LSAMP: variants seen among roughly 807,000 people sequenced by gnomAD.
LSAMP encodes the protein limbic system associated membrane protein.
In LSAMP, 7 loss-of-function variants were observed where a neutral mutation model predicts 38.6. The ratio of observed to expected loss-of-function variants is 0.18; its 90% CI spans 0.10 to 0.34. The LOEUF is 0.34. Ranked by LOEUF, LSAMP falls within the 10% of genes least tolerant of loss-of-function variation. The pLI is 1.00. For synonymous variants in LSAMP, 154 were observed against 166.8 expected, an observed-to-expected ratio of 0.92 and a Z score of 0.59; for missense variants, 313 against 420.0, an observed-to-expected ratio of 0.75 and a Z score of 2.23.
chr3:115,877,869 G>A (rs1936223882), intron 3 of LSAMP, among the ~76,000 whole-genome samples: 1 of 152,044 alleles, frequency 6.6e-6, no homozygotes. Flanking sequence ...TTTAAAATGT[G>A]GTTCCCATCC....
intron 3 of LSAMP, among the ~76,000 whole-genome samples, chr3:115,905,860 A>G (rs927162187): frequency 2.0e-5 from 3 of 152,030 alleles, no homozygotes; most frequent in African/African-American, 7.2e-5. Flanking sequence ...ATACATAAGG[A>G]TATTTTTGTG....
At chr3:116,064,819 G>A (rs1707370943) in intron 2 of LSAMP, among the ~76,000 whole-genome samples, 2 of 152,050 alleles carry the variant, frequency 1.3e-5, no homozygotes, top group African/African-American at 2.4e-5. Flanking sequence ...AACTTGCATG[G>A]TATCACACAA....
At chr3:116,227,278 A>G (rs1463516) in intron 1 of LSAMP, among the ~76,000 whole-genome samples, 2,555 of 152,282 alleles carry the variant, frequency 0.017, 58 homozygotes, top group African/African-American at 0.052. Flanking sequence ...TCACTCTTTC[A>G]AATTGTCTTA....
chr3:116,303,593 A>G (rs1324424181), intron 1 of LSAMP, among the ~76,000 whole-genome samples: 1 of 152,164 alleles, frequency 6.6e-6, no homozygotes, highest in African/African-American at 2.4e-5. Context: ...ACACTGGTAA[A>G]AACTATGTCA....
chr3:116,235,321 G>T (rs950214322), intron 1 of LSAMP, among the ~76,000 whole-genome samples: 3 of 152,170 alleles, frequency 2.0e-5, no homozygotes, highest in African/African-American at 7.2e-5. Context: ...TCACTATGTT[G>T]CATAGACTGG....
At chr3:116,271,408 T>A (rs1259596785) in intron 1 of LSAMP, among the ~76,000 whole-genome samples, 1 of 152,042 alleles carries the variant, frequency 6.6e-6, no homozygotes, top group African/African-American at 2.4e-5. Flanking sequence ...ATTATATTTC[T>A]GTGGTGTAAG....
At chr3:115,937,667 T>C (rs1937751363) in intron 3 of LSAMP, among the ~76,000 whole-genome samples, 1 of 148,956 alleles carries the variant, frequency 6.7e-6, no homozygotes, top group Non-Finnish European at 1.5e-5. Context: ...AAAAAAGAAA[T>C]GTTTTGCATT....
chr3:116,063,240 T>C (rs868140340), intron 2 of LSAMP, among the ~76,000 whole-genome samples: 2 of 152,156 alleles, frequency 1.3e-5, no homozygotes, highest in Non-Finnish European at 2.9e-5. Context: ...CATTAAATAT[T>C]TTACAATAGA....
chr3:116,092,082 T>C (rs766472531), intron 1 of LSAMP, among the ~76,000 whole-genome samples: 5 of 151,970 alleles, frequency 3.3e-5, no homozygotes, highest in Non-Finnish European at 7.4e-5. Flanking sequence ...TGAGCCTAAA[T>C]ACCATGTGCA....
At chr3:116,428,023 T>C (rs1051170416) in intron 1 of LSAMP, among the ~76,000 whole-genome samples, 2 of 152,234 alleles carry the variant, frequency 1.3e-5, no homozygotes, top group Non-Finnish European at 2.9e-5. Context: ...TTTCATTCCA[T>C]ATGTCTTTTT....
intron 1 of LSAMP, among the ~76,000 whole-genome samples, chr3:116,139,641 C>T (rs146871800): frequency 6.6e-6 from 1 of 152,048 alleles, no homozygotes; most frequent in East Asian, 1.9e-4. Flanking sequence ...AGTCTTTCAT[C>T]GTCAACCTAG....
intron 3 of LSAMP, among the ~76,000 whole-genome samples, chr3:115,934,470 C>T (rs1207403466): frequency 6.6e-6 from 1 of 152,116 alleles, no homozygotes; most frequent in Admixed American, 6.6e-5. Context: ...AGCCACTGTG[C>T]TCAGTCCTGT....
intron 3 of LSAMP, among the ~76,000 whole-genome samples, chr3:115,911,494 G>A (rs577131211): frequency 5.3e-5 from 8 of 152,182 alleles, no homozygotes; most frequent in African/African-American, 1.9e-4. Context: ...TGGGACTACA[G>A]GTGCCTGCCA....
chr3:115,969,100 C>T (rs911080146), intron 3 of LSAMP, among the ~76,000 whole-genome samples: 3 of 152,148 alleles, frequency 2.0e-5, no homozygotes, highest in Admixed American at 1.3e-4. Flanking sequence ...CTTTCCTACC[C>T]GCTTCAGTGC....
chr3:116,413,846 G>A (rs1475088324), intron 1 of LSAMP, among the ~76,000 whole-genome samples: 2 of 149,652 alleles, frequency 1.3e-5, no homozygotes, highest in African/African-American at 4.9e-5. Context: ...TTCTGGTAAG[G>A]ACAAGAAAGG....
intron 1 of LSAMP, among the ~76,000 whole-genome samples, chr3:116,440,935 C>T (rs2049425107): frequency 6.6e-6 from 1 of 152,320 alleles, no homozygotes; most frequent in South Asian, 2.1e-4. Context: ...GTTGACACTT[C>T]ATTAGTGAAT....
In LSAMP at chr3:116,234,507, T is replaced by A. The variant is rs555107067; in HGVS notation, c.156-147951A>T. On this transcript the variant is annotated intron_variant, in intron 1 of 6. Transcript: ENST00000490035. ...TGAAATAAATTAATCTACTTATTTA[T>A]TAAAATAAATCCTGTTACCACCAAA... Among the ~76,000 whole-genome samples the A allele has an allele frequency of 2.8e-5, 4 of 143,954 alleles. 1 individual carries two copies. The South Asian group carries it at 9.1e-4, about 33-fold the overall frequency. The allele number at this position is 143,954 out of a possible 152,430, so 94.4% of individuals were successfully genotyped here.
intron 1 of LSAMP, among the ~76,000 whole-genome samples, chr3:116,353,216 G>A (rs955091346): frequency 6.6e-6 from 1 of 152,036 alleles, no homozygotes; most frequent in Non-Finnish European, 1.5e-5. Context: ...TGCATGCCTA[G>A]AAATATGACG....
chr3:116,039,272 T>C (rs1941114664), intron 2 of LSAMP, among the ~76,000 whole-genome samples: 1 of 152,248 alleles, frequency 6.6e-6, no homozygotes, highest in African/African-American at 2.4e-5. Context: ...TTCCCCCTCC[T>C]GTTTAGGTAA....
Sources: allele counts gnomAD v4.1 joint callset (sites outside exome capture counted in the v4.1 genomes callset), GRCh38; gene constraint gnomAD v4.1.1; transcripts MANE v1.5; gene names NCBI Gene and HGNC (gene_info 2026-07-23, HGNC 2026-07-21).